The following CYP4X1 variants were observed in gnomAD, a reference collection of about 807,000 sequenced individuals.
CYP4X1 encodes the protein cytochrome P450 4X1.
A neutral mutation model predicts 57.9 loss-of-function variants in CYP4X1; 44 were observed. The ratio of observed to expected loss-of-function variants is 0.76; its 90% CI spans 0.60 to 0.98. CYP4X1 has a LOEUF of 0.98. Among genes scored for constraint, CYP4X1 ranks in the 50% least tolerant of loss-of-function variants. CYP4X1 has a pLI of 0.00. For synonymous variants in CYP4X1, 227 were observed against 228.6 expected, an observed-to-expected ratio of 0.99 and a Z score of 0.06; for missense variants, 532 against 623.9, an observed-to-expected ratio of 0.85 and a Z score of 1.57.
upstream of CYP4X1, among the ~76,000 whole-genome samples, chr1:47,022,930 C>T (rs1281216407): frequency 6.6e-6 from 1 of 152,170 alleles, no homozygotes; most frequent in Admixed American, 6.5e-5. Flanking sequence ...TGATACGTTA[C>T]AAATACTAAA....
chr1:46,979,662 G>A, the CYP4X1 span, among the ~76,000 whole-genome samples: 7 of 152,290 alleles, frequency 4.6e-5, no homozygotes, highest in African/African-American at 1.7e-4. Flanking sequence ...AAGCCTGGCA[G>A]AGACACAATA....
the CYP4X1 span, among the ~76,000 whole-genome samples, chr1:46,971,166 A>G: frequency 6.6e-6 from 1 of 152,148 alleles, no homozygotes; most frequent in Non-Finnish European, 1.5e-5. Context: ...CTTATAAGTG[A>G]GAACACGTGG....
the CYP4X1 span, among the ~76,000 whole-genome samples, chr1:46,970,165 T>C: frequency 6.6e-6 from 1 of 152,216 alleles, no homozygotes; most frequent in Non-Finnish European, 1.5e-5. Flanking sequence ...TTAATATTTT[T>C]GAAAATTGAG....
rs1284310038 is a variant in CYP4X1 at position 47,034,044 on chromosome 1, T to G, written c.492+676T>G. Among the ~76,000 whole-genome samples the G allele has an allele frequency of 2.6e-5, 4 of 152,220 alleles. No homozygotes were observed. In the East Asian group the frequency reaches 7.7e-4, roughly 29 times the overall value. ...GCTTCCAGTATGGAGTTGCGTTAAC[T>G]TCACAAGGTGACAGGTAAGGATGGC... On this transcript the variant is annotated intron_variant, in intron 4 of 11. Transcript: ENST00000371901.
intron 2 of CYP4X1, 58 bp from the exon 3 acceptor site, chr1:47,031,378 A>G: frequency 6.3e-7 from 1 of 1,591,892 alleles, no homozygotes. Flanking sequence ...ACCAACTTGA[A>G]CTGATAATGA....
At chr1:47,018,189 G>C in the CYP4X1 span, among the ~76,000 whole-genome samples, 1 of 152,114 alleles carries the variant, frequency 6.6e-6, no homozygotes, top group South Asian at 2.1e-4. Flanking sequence ...GAGGAAGAGA[G>C]TTTTTATTTC....
chr1:46,963,139 ATG>A, the CYP4X1 span, among the ~76,000 whole-genome samples: 1 of 152,006 alleles, frequency 6.6e-6, no homozygotes, highest in African/African-American at 2.4e-5. Flanking sequence ...TTTTGAGCCT[ATG>A]TGTGTCTCCA....
At chr1:46,987,963 C>T in the CYP4X1 span, among the ~76,000 whole-genome samples, 1 of 152,090 alleles carries the variant, frequency 6.6e-6, no homozygotes. Context: ...TCTAACTTCA[C>T]AATTAAAAGA....
chr1:46,978,539 C>A, the CYP4X1 span, among the ~76,000 whole-genome samples: 3,219 of 152,142 alleles, frequency 0.021, 71 homozygotes, highest in South Asian at 0.046. Context: ...GACTTTAACA[C>A]CCCACTGTCA....
At chr1:47,015,353 A>C in the CYP4X1 span, among the ~76,000 whole-genome samples, 1 of 152,162 alleles carries the variant, frequency 6.6e-6, no homozygotes, top group South Asian at 2.1e-4. Context: ...ACTGGTTCCT[A>C]AGTCTTTTAA....
chr1:46,999,026 TTGTGTGTGTGTGTG>T, the CYP4X1 span, among the ~76,000 whole-genome samples: 6 of 143,244 alleles, frequency 4.2e-5, no homozygotes, highest in Non-Finnish European at 9.1e-5. Flanking sequence ...CTTGCTTTCT[TTGTGTGTGTGTGTG>T]TGTGTGTGTG....
At chr1:47,040,173 G>T (rs137900012) in intron 8 of CYP4X1, among the ~76,000 whole-genome samples, 382 of 152,210 alleles carry the variant, frequency 2.5e-3, no homozygotes, top group African/African-American at 8.7e-3. Flanking sequence ...TGAGGGCAAT[G>T]ATAGAGATAT....
chr1:47,001,977 C>A, the CYP4X1 span, among the ~76,000 whole-genome samples: 1 of 152,224 alleles, frequency 6.6e-6, no homozygotes, highest in African/African-American at 2.4e-5. Context: ...TTCCTCTCGC[C>A]CTCTATTGGC....
At chr1:47,046,732 C>G (rs1644307114) in intron 9 of CYP4X1, 132 bp downstream of exon 9, 1 of 1,343,462 alleles carries the variant, frequency 7.4e-7, no homozygotes, top group African/African-American at 1.5e-5. Flanking sequence ...TAGGTTTTAT[C>G]ACCTATGAGG....
chr1:46,994,007 T>C, the CYP4X1 span, among the ~76,000 whole-genome samples: 1 of 152,262 alleles, frequency 6.6e-6, no homozygotes, highest in Non-Finnish European at 1.5e-5. Flanking sequence ...TCCTTGCCCA[T>C]GCCTATGTCC....
chr1:46,968,098 G>A, the CYP4X1 span, among the ~76,000 whole-genome samples: 1 of 152,174 alleles, frequency 6.6e-6, no homozygotes, highest in Non-Finnish European at 1.5e-5. Flanking sequence ...AAGGGGCCCA[G>A]ATGGGTGGGC....
chr1:46,983,590 G>A, the CYP4X1 span, among the ~76,000 whole-genome samples: 7 of 152,172 alleles, frequency 4.6e-5, no homozygotes, highest in Admixed American at 3.3e-4. Flanking sequence ...GACCCAGGTC[G>A]GGAAAACCTG....
chr1:47,009,786 T>C, the CYP4X1 span, among the ~76,000 whole-genome samples: 123 of 152,344 alleles, frequency 8.1e-4, 1 homozygote, highest in African/African-American at 2.7e-3. Flanking sequence ...TAAACACTTC[T>C]ATGCAAATAA....
chr1:47,005,192 T>C, the CYP4X1 span, among the ~76,000 whole-genome samples: 1 of 152,216 alleles, frequency 6.6e-6, no homozygotes. Context: ...TAAGCAGTCC[T>C]TAGAATTTTC....
Sources: allele counts gnomAD v4.1 joint callset (sites outside exome capture counted in the v4.1 genomes callset), GRCh38; gene constraint gnomAD v4.1.1; transcripts MANE v1.5; gene names NCBI Gene and HGNC (gene_info 2026-07-23, HGNC 2026-07-21).